The following APLP2 variants were observed in gnomAD, a reference collection of about 807,000 sequenced individuals.
APLP2 encodes the protein amyloid beta precursor like protein 2, also known as CDEI box-binding protein.
A neutral mutation model predicts 89.9 loss-of-function variants in APLP2; 53 were observed. The observed-to-expected ratio is 0.59, with a 90% CI of 0.47 to 0.74. APLP2 has a LOEUF of 0.74. APLP2 is among the 30% of genes least tolerant of loss of function. APLP2 has a pLI of 0.00. For missense variants in APLP2, 973 were observed against 975.9 expected, an observed-to-expected ratio of 1.00 and a Z score of 0.04; for synonymous variants, 372 against 348.6, an observed-to-expected ratio of 1.07 and a Z score of -0.75.
At chr11:130,080,337 TG>T (rs946447788) in intron 1 of APLP2, among the ~76,000 whole-genome samples, 6 of 151,994 alleles carry the variant, frequency 3.9e-5, no homozygotes, top group African/African-American at 1.5e-4. Flanking sequence ...CCTGAGTAGC[TG>T]GGATTACAGG....
intron 3 of APLP2, among the ~76,000 whole-genome samples, chr11:130,118,599 A>C (rs527652625): frequency 6.6e-6 from 1 of 152,356 alleles, no homozygotes; most frequent in Non-Finnish European, 1.5e-5. Context: ...AATCACATTA[A>C]ACCATGTGAG....
chr11:130,091,499 C>T (rs1945179476), intron 1 of APLP2, among the ~76,000 whole-genome samples: 5 of 137,974 alleles, frequency 3.6e-5, no homozygotes, highest in Admixed American at 2.1e-4. Context: ...GAGGGCTGAC[C>T]CCCCCACCTC....
At chr11:130,100,755 T>G (rs1475592401) in intron 1 of APLP2, among the ~76,000 whole-genome samples, 1 of 152,222 alleles carries the variant, frequency 6.6e-6, no homozygotes, top group Non-Finnish European at 1.5e-5. Flanking sequence ...CCGGCATATG[T>G]CACTGTAAGA....
At chr11:130,122,566 A>T in intron 6 of APLP2, 53 bp downstream of exon 6, 1 of 1,608,630 alleles carries the variant, frequency 6.2e-7, no homozygotes, top group Non-Finnish European at 8.5e-7. Context: ...TTATTCACTT[A>T]GACTTTTGCA....
chr11:130,135,812 T>C, intron 13 of APLP2, 97 bp downstream of exon 13: 1 of 1,448,778 alleles, frequency 6.9e-7, no homozygotes, highest in East Asian at 2.4e-5. Context: ...AGTTGGGAGA[T>C]GGTGTTCCTG....
At chr11:130,109,682 T>C in intron 2 of APLP2, 80 bp downstream of exon 2, 1 of 1,447,210 alleles carries the variant, frequency 6.9e-7, no homozygotes, top group Non-Finnish European at 9.3e-7. Context: ...ATAGATATTC[T>C]GTCATTCTCT....
intron 3 of APLP2, among the ~76,000 whole-genome samples, chr11:130,115,779 A>G (rs1340687935): frequency 6.6e-6 from 1 of 152,202 alleles, no homozygotes; most frequent in Non-Finnish European, 1.5e-5. Context: ...GGAGCTTCTG[A>G]TGAAAAATTG....
chr11:130,078,085 T>C (rs538684908), intron 1 of APLP2, among the ~76,000 whole-genome samples: 3 of 152,224 alleles, frequency 2.0e-5, no homozygotes, highest in East Asian at 1.9e-4. Context: ...CCTCTGACTT[T>C]ATGGTATCAC....
chr11:130,072,881 T>C (rs952825322), intron 1 of APLP2, among the ~76,000 whole-genome samples: 3 of 152,240 alleles, frequency 2.0e-5, no homozygotes, highest in Non-Finnish European at 4.4e-5. Flanking sequence ...TGTTTTACCA[T>C]CTAAAGCCAG....
At position 130,125,814 on chromosome 11, in the gene APLP2, A is replaced by G. The variant is rs530802474; in HGVS notation, c.1091-886A>G. ...AAATCTTGCATGAATTAGGCTAGTA[A>G]GTGTTACCTTAGGTATGTCTTGAGA... On this transcript the variant is annotated intron_variant, in intron 7 of 16. Coordinates refer to ENST00000338167, the MANE Select transcript of APLP2 (RefSeq NM_001142276.2). Among the ~76,000 whole-genome samples, 50 of 152,324 alleles carry G rather than the reference A, an allele frequency of 3.3e-4. No homozygotes were observed. The South Asian group carries it at 0.01, about 32-fold the overall frequency.
intron 9 of APLP2, among the ~76,000 whole-genome samples, chr11:130,128,275 C>G (rs1305465176): frequency 6.6e-6 from 1 of 152,232 alleles, no homozygotes; most frequent in Non-Finnish European, 1.5e-5. Flanking sequence ...CTGCATTCCC[C>G]TTCAGTAGAA....
chr11:130,131,661 A>G (rs757841985), intron 11 of APLP2, among the ~76,000 whole-genome samples: 1 of 152,218 alleles, frequency 6.6e-6, no homozygotes, highest in Non-Finnish European at 1.5e-5. Context: ...TGATTTTTTG[A>G]AAAGACTTAA....
intron 12 of APLP2, among the ~76,000 whole-genome samples, 191 bp from the exon 13 acceptor site, chr11:130,135,372 G>A (rs900627558): frequency 1.3e-5 from 2 of 152,080 alleles, no homozygotes; most frequent in Admixed American, 1.3e-4. Context: ...GTGTGGAGGT[G>A]GATGCAGGGG....
chr11:130,100,862 A>G (rs1387249194), intron 1 of APLP2, among the ~76,000 whole-genome samples: 2 of 152,220 alleles, frequency 1.3e-5, no homozygotes, highest in Admixed American at 1.3e-4. Flanking sequence ...AAAGACCAAG[A>G]ATTTTCCATT....
At chr11:130,130,502 CTTGTT>C (rs986240509) in intron 11 of APLP2, among the ~76,000 whole-genome samples, 3 of 152,114 alleles carry the variant, frequency 2.0e-5, no homozygotes, top group African/African-American at 4.8e-5. Flanking sequence ...AAATTGGTCT[CTTGTT>C]TTGTGCAGTA....
chr11:130,071,846 C>A (rs1304564444), intron 1 of APLP2, among the ~76,000 whole-genome samples: 1 of 152,026 alleles, frequency 6.6e-6, no homozygotes, highest in African/African-American at 2.4e-5. Context: ...CTCACACTTA[C>A]TAAATGATCT....
chr11:130,080,705 T>G (rs1355459416), intron 1 of APLP2, among the ~76,000 whole-genome samples: 3 of 150,468 alleles, frequency 2.0e-5, no homozygotes, highest in Non-Finnish European at 4.4e-5. Flanking sequence ...TTCTTTTTTT[T>G]TTTTTTTTTG....
chr11:130,105,238 C>A (rs1947501046), intron 1 of APLP2, among the ~76,000 whole-genome samples: 2 of 152,186 alleles, frequency 1.3e-5, no homozygotes, highest in Non-Finnish European at 2.9e-5. Flanking sequence ...CACAATGAGA[C>A]CCCATCTCTA....
Position 130,100,599 on chromosome 11 carries a change from C to T in APLP2, c.106-8830C>T, listed in dbSNP as rs561561240. Reference sequence around the variant, plus strand: ...CACTATAATCCAGATGGACAAATTACCATGTTTCCATAAAAAGCGTTGGAG... The same window carrying T: ...CACTATAATCCAGATGGACAAATTATCATGTTTCCATAAAAAGCGTTGGAG... On this transcript the variant is annotated intron_variant, in intron 1 of 16. Coordinates refer to ENST00000338167, the MANE Select transcript of APLP2 (RefSeq NM_001142276.2). 3.3e-5 allele frequency among the ~76,000 whole-genome samples: 5 copies of T among 152,224 alleles called. No homozygotes were observed. The South Asian group carries it at 1.0e-3, about 32-fold the overall frequency.
Sources: gnomAD v4.1 joint callset for allele counts (sites outside exome capture counted in the v4.1 genomes callset) on GRCh38, gnomAD v4.1.1 for gene constraint, MANE v1.5 for transcripts, NCBI Gene and HGNC (gene_info 2026-07-23, HGNC 2026-07-21) for gene names.